Variants in ZNF277 observed in about 807,000 individuals in gnomAD.
The protein encoded by ZNF277 is zinc finger protein 277.
Under a neutral mutation model 60.7 loss-of-function variants are expected in ZNF277, and 55 were observed. The observed-to-expected ratio is 0.91, with a 90% CI of 0.73 to 1.13. The LOEUF is 1.13. ZNF277 is among the 50% of genes most tolerant of loss of function. The probability of loss-of-function intolerance (pLI) is 0.00; values close to 1 mark genes in which losing one functional copy is unlikely to be tolerated. For synonymous variants in ZNF277, 178 were observed against 179.3 expected (o/e 0.99, Z 0.06); for missense variants, 510 against 523.0 (o/e 0.98, Z 0.24).
chr7:112,285,119 A>G (rs1792035186), intron 1 of ZNF277, among the ~76,000 whole-genome samples: 1 of 151,464 alleles, frequency 6.6e-6, no homozygotes, highest in South Asian at 2.1e-4. Context: ...AACCTCCACC[A>G]CCTGGGTTCA....
intron 1 of ZNF277, among the ~76,000 whole-genome samples, chr7:112,212,340 C>T (rs1821772944): frequency 1.3e-5 from 2 of 152,114 alleles, no homozygotes; most frequent in African/African-American, 4.8e-5. Flanking sequence ...ATATATTTGA[C>T]ATGGCAATGG....
At chr7:112,221,058 G>A (rs569648261) in intron 1 of ZNF277, among the ~76,000 whole-genome samples, 5 of 152,034 alleles carry the variant, frequency 3.3e-5, no homozygotes, top group Admixed American at 1.3e-4. Context: ...TCGCAGACCC[G>A]CCGCTGACCC....
chr7:112,232,042 CATATATATAT>C (rs67934905), intron 1 of ZNF277, among the ~76,000 whole-genome samples: 5,700 of 133,018 alleles, frequency 0.043, 259 homozygotes, highest in African/African-American at 0.12. Flanking sequence ...TAAATAAATA[CATATATATAT>C]ATATATATAT....
At chr7:112,238,305 T>C (rs1235271243) in intron 1 of ZNF277, among the ~76,000 whole-genome samples, 1 of 152,026 alleles carries the variant, frequency 6.6e-6, no homozygotes, top group African/African-American at 2.4e-5. Flanking sequence ...CCTGTCACAG[T>C]GGAAAGCAAC....
intron 1 of ZNF277, among the ~76,000 whole-genome samples, chr7:112,248,049 G>A (rs992613586): frequency 6.6e-6 from 1 of 152,086 alleles, no homozygotes; most frequent in Non-Finnish European, 1.5e-5. Flanking sequence ...CTCAATAGGT[G>A]TCAGTGGACA....
At chr7:112,227,141 G>T (rs890018255) in intron 1 of ZNF277, among the ~76,000 whole-genome samples, 2 of 152,150 alleles carry the variant, frequency 1.3e-5, no homozygotes, top group Non-Finnish European at 2.9e-5. Context: ...CTTATTTATG[G>T]ATAGTTATCA....
chr7:112,211,916 G>A (rs1821758713), intron 1 of ZNF277, among the ~76,000 whole-genome samples: 3 of 152,174 alleles, frequency 2.0e-5, no homozygotes, highest in African/African-American at 7.2e-5. Flanking sequence ...AGTAAACATT[G>A]TATAACAGTC....
chr7:112,259,333 A>T (rs1002986395), intron 1 of ZNF277, among the ~76,000 whole-genome samples: 2 of 152,184 alleles, frequency 1.3e-5, no homozygotes, highest in Non-Finnish European at 2.9e-5. Context: ...TCCAAATATT[A>T]GAAGGAAAGT....
intron 1 of ZNF277, among the ~76,000 whole-genome samples, chr7:112,209,548 C>G (rs978269680): frequency 1.3e-5 from 2 of 152,028 alleles, no homozygotes; most frequent in Admixed American, 1.3e-4. Flanking sequence ...TTCTCACCCT[C>G]GGTGAGAAAT....
At chr7:112,250,542 CAT>C (rs1276490576) in intron 1 of ZNF277, among the ~76,000 whole-genome samples, 2 of 152,180 alleles carry the variant, frequency 1.3e-5, no homozygotes, top group African/African-American at 4.8e-5. Flanking sequence ...AACCTACCGA[CAT>C]GTGATGTCTC....
At chr7:112,225,725 C>G (rs761080183) in intron 1 of ZNF277, among the ~76,000 whole-genome samples, 4 of 152,092 alleles carry the variant, frequency 2.6e-5, no homozygotes, top group Non-Finnish European at 4.4e-5. Context: ...AAATTCATTT[C>G]ACGCTTTTAA....
intron 1 of ZNF277, among the ~76,000 whole-genome samples, chr7:112,279,239 T>C (rs1791888089): frequency 6.6e-6 from 1 of 152,194 alleles, no homozygotes; most frequent in Non-Finnish European, 1.5e-5. Context: ...GCTCATATGA[T>C]AGTTCTATTT....
Position 112,342,604 on chromosome 7 carries a change from C to T in ZNF277, c.1228C>T (p.Leu410=). 6.2e-7 allele frequency: 1 copy of T among 1,612,992 alleles called. No homozygotes were observed. Among genetic ancestry groups the T allele is most frequent in the Non-Finnish European group, 8.5e-7 (1 of 1,179,756 alleles). ...TYENDTLLCT[L]SDSESDLTAQ... ...TGAAAATGACACTCTCCTGTGTACA[C>T]TATCTGACAGTGAAAGTGACCTGAC... The change falls in exon 12 of 12, where the codon CTA becomes TTA. Residue 410 remains leucine (L), a synonymous_variant. Transcript: ENST00000361822.
At chr7:112,302,163 A>G (rs750334871) in intron 4 of ZNF277, among the ~76,000 whole-genome samples, 6 of 152,072 alleles carry the variant, frequency 3.9e-5, no homozygotes, top group Admixed American at 6.6e-5. Context: ...CATGACAACT[A>G]CAAATATTTT....
At chr7:112,284,041 A>G (rs1451738121) in intron 1 of ZNF277, among the ~76,000 whole-genome samples, 1 of 152,224 alleles carries the variant, frequency 6.6e-6, no homozygotes. Flanking sequence ...TCAACTCAGA[A>G]TGTTTAGGCT....
intron 1 of ZNF277, among the ~76,000 whole-genome samples, chr7:112,265,658 A>T (rs1252458850): frequency 6.6e-6 from 1 of 152,162 alleles, no homozygotes; most frequent in Non-Finnish European, 1.5e-5. Flanking sequence ...CAATAAAGTG[A>T]AGTATGCCTG....
rs148853966 is a variant in ZNF277, at chr7:112,314,950, A to G, written c.466-3232A>G. Among the ~76,000 whole-genome samples the G allele has an allele frequency of 4.5e-3, 681 of 152,208 alleles. 4 individuals are homozygous for G. The highest frequency in any genetic ancestry group is 6.4e-3 in the Non-Finnish European group (432 of 67,978). On this transcript the variant is annotated intron_variant, in intron 4 of 11. Coordinates refer to ENST00000361822, the MANE Select transcript of ZNF277 (RefSeq NM_021994.3). ...ACCAGTTTTAGTTTTATTTCCAGATAGTGTAATTACGTATTTGCAGACTAA... is the reference window on the plus strand; with the variant it reads ...ACCAGTTTTAGTTTTATTTCCAGATGGTGTAATTACGTATTTGCAGACTAA...
intron 1 of ZNF277, among the ~76,000 whole-genome samples, chr7:112,233,804 G>T (rs1293184591): frequency 6.6e-6 from 1 of 152,108 alleles, no homozygotes; most frequent in African/African-American, 2.4e-5. Flanking sequence ...ATTGAAAATT[G>T]AGAACAACTT....
intron 5 of ZNF277, among the ~76,000 whole-genome samples, chr7:112,322,907 T>C (rs1014893699): frequency 2.0e-5 from 3 of 152,198 alleles, no homozygotes; most frequent in African/African-American, 7.2e-5. Flanking sequence ...GTTTAGTGAC[T>C]TTCCTGGACT....
Sources: gnomAD v4.1 joint callset for allele counts (sites outside exome capture counted in the v4.1 genomes callset) on GRCh38, gnomAD v4.1.1 for gene constraint, MANE v1.5 for transcripts, NCBI Gene and HGNC (gene_info 2026-07-23, HGNC 2026-07-21) for gene names.